The following RBFOX1 variants were observed in gnomAD, a reference collection of about 807,000 sequenced individuals.
The protein encoded by RBFOX1 is RNA binding fox-1 homolog 1, also known as RNA binding protein fox-1 homolog 1.
In RBFOX1, 8 loss-of-function variants were observed where a neutral mutation model predicts 57.7. The observed-to-expected ratio is 0.14, with a 90% CI of 0.08 to 0.25. The LOEUF (loss-of-function observed/expected upper bound fraction) is 0.25. RBFOX1 is among the 10% of genes least tolerant of loss of function. The probability of loss-of-function intolerance (pLI) is 1.00; values close to 1 mark genes in which losing one functional copy is unlikely to be tolerated. For missense variants in RBFOX1, 611 were observed against 548.5 expected (o/e 1.11, Z -1.14); for synonymous variants, 326 against 222.4 (o/e 1.47, Z -4.15).
Position 7,341,228 on chromosome 16 carries a change from A to G in RBFOX1, c.28-176919A>G, listed in dbSNP as rs1006376954. Among the ~76,000 whole-genome samples, 5 of 152,290 alleles carry G rather than the reference A, an allele frequency of 3.3e-5. No homozygotes were observed. The South Asian group carries it at 6.2e-4, about 19-fold the overall frequency. ...TGCTGAGCCCTAAGAGATGCCCAGAAACATTGAACTCAATACTCTGAAGGT... is the reference window on the plus strand; with the variant it reads ...TGCTGAGCCCTAAGAGATGCCCAGAGACATTGAACTCAATACTCTGAAGGT... On this transcript the variant is annotated intron_variant, in intron 4 of 15. Transcript: ENST00000550418.
chr16:7,520,234 T>C (rs1294736578), intron 5 of RBFOX1, among the ~76,000 whole-genome samples: 1 of 152,200 alleles, frequency 6.6e-6, no homozygotes, highest in Non-Finnish European at 1.5e-5. Flanking sequence ...AAATTTTTAG[T>C]TGCCTTCCTC....
At chr16:5,681,226 A>G (rs1298464320) in intron 3 of RBFOX1, among the ~76,000 whole-genome samples, 1 of 146,258 alleles carries the variant, frequency 6.8e-6, no homozygotes, top group Non-Finnish European at 1.5e-5. Flanking sequence ...GGTGCCTGCC[A>G]CCATGCCTGG....
At chr16:6,902,024 C>T (rs2068621614) in intron 3 of RBFOX1, among the ~76,000 whole-genome samples, 3 of 152,026 alleles carry the variant, frequency 2.0e-5, no homozygotes, top group African/African-American at 7.2e-5. Context: ...TCAGAATGTG[C>T]TTAAGGTTGC....
chr16:5,914,679 G>A (rs547273509), intron 4 of RBFOX1, among the ~76,000 whole-genome samples: 6 of 152,098 alleles, frequency 3.9e-5, no homozygotes, highest in Admixed American at 1.3e-4. Flanking sequence ...GGCGGATCAC[G>A]AGGTCAGGAG....
At chr16:7,073,043 C>A (rs1484934305) in intron 4 of RBFOX1, among the ~76,000 whole-genome samples, 1 of 152,122 alleles carries the variant, frequency 6.6e-6, no homozygotes, top group Non-Finnish European at 1.5e-5. Flanking sequence ...AACTGTGACA[C>A]AGAGGCCAGG....
At chr16:5,508,172 G>A (rs531090011) in intron 2 of RBFOX1, among the ~76,000 whole-genome samples, 6 of 152,310 alleles carry the variant, frequency 3.9e-5, no homozygotes, top group South Asian at 4.1e-4. Context: ...GGGTCTGGAC[G>A]TGGTTTAGCT....
intron 2 of RBFOX1, among the ~76,000 whole-genome samples, chr16:6,642,730 T>C (rs1469074619): frequency 6.6e-6 from 1 of 152,108 alleles, no homozygotes. Context: ...TGGTTGGGGA[T>C]CGTTTTGTAG....
chr16:6,251,471 T>A (rs1223787406), intron 1 of RBFOX1, among the ~76,000 whole-genome samples: 6 of 152,150 alleles, frequency 3.9e-5, no homozygotes, highest in African/African-American at 1.4e-4. Flanking sequence ...TTTCTTTTCA[T>A]TGCAGCAGCC....
intron 2 of RBFOX1, among the ~76,000 whole-genome samples, chr16:6,582,992 C>G (rs2097558414): frequency 6.6e-6 from 1 of 150,926 alleles, no homozygotes. Context: ...CCCTCTTCCT[C>G]ACTCTTCTCT....
intron 2 of RBFOX1, among the ~76,000 whole-genome samples, chr16:6,563,258 T>G (rs2097208727): frequency 6.6e-6 from 1 of 152,286 alleles, no homozygotes; most frequent in Non-Finnish European, 1.5e-5. Flanking sequence ...CGCATGAGAT[T>G]TAGAAGCATT....
intron 3 of RBFOX1, among the ~76,000 whole-genome samples, chr16:6,855,717 A>G (rs1336253413): frequency 6.6e-6 from 1 of 151,536 alleles, no homozygotes; most frequent in Non-Finnish European, 1.5e-5. Context: ...CCTTGATTGC[A>G]CTTCCTAGAT....
intron 4 of RBFOX1, among the ~76,000 whole-genome samples, chr16:7,477,766 C>G (rs555669388): frequency 9.9e-5 from 15 of 152,270 alleles, no homozygotes; most frequent in African/African-American, 3.4e-4. Flanking sequence ...TGACCTTTCC[C>G]TTCTCTTCCC....
chr16:6,452,656 G>A (rs2094660276), intron 2 of RBFOX1, among the ~76,000 whole-genome samples: 1 of 152,162 alleles, frequency 6.6e-6, no homozygotes, highest in Admixed American at 6.5e-5. Context: ...AAGACAATAG[G>A]GATTGATGGG....
At chr16:7,370,705 T>C (rs2097549739) in intron 4 of RBFOX1, among the ~76,000 whole-genome samples, 1 of 152,244 alleles carries the variant, frequency 6.6e-6, no homozygotes. Flanking sequence ...GAAAGGGACT[T>C]GTGAACTAGT....
chr16:6,104,374 T>C (rs2152562817), intron 1 of RBFOX1, among the ~76,000 whole-genome samples: 1 of 152,344 alleles, frequency 6.6e-6, no homozygotes, highest in East Asian at 1.9e-4. Context: ...AAGAGTCAAG[T>C]GACACTATCT....
At chr16:7,025,676 G>C (rs1252505199) in intron 3 of RBFOX1, among the ~76,000 whole-genome samples, 1 of 152,146 alleles carries the variant, frequency 6.6e-6, no homozygotes, top group Non-Finnish European at 1.5e-5. Context: ...GGGTGCTGGA[G>C]AAGGCCTGGC....
intron 1 of RBFOX1, among the ~76,000 whole-genome samples, chr16:5,435,236 A>C (rs1172935200): frequency 6.6e-6 from 1 of 152,152 alleles, no homozygotes; most frequent in South Asian, 2.1e-4. Flanking sequence ...ATATGCGTCT[A>C]TGAAGAAAAG....
intron 3 of RBFOX1, among the ~76,000 whole-genome samples, chr16:6,738,479 A>C (rs902106981): frequency 6.6e-6 from 1 of 152,168 alleles, no homozygotes; most frequent in African/African-American, 2.4e-5. Flanking sequence ...AGAGCTGTAA[A>C]ATCTGTGAAG....
At chr16:6,879,309 A>G (rs1021532600) in intron 3 of RBFOX1, among the ~76,000 whole-genome samples, 9 of 152,098 alleles carry the variant, frequency 5.9e-5, no homozygotes, top group African/African-American at 2.2e-4. Context: ...TATGCCATAA[A>G]TTTTCTTTGC....
Sources: allele counts gnomAD v4.1 joint callset (sites outside exome capture counted in the v4.1 genomes callset), GRCh38; gene constraint gnomAD v4.1.1; transcripts MANE v1.5; gene names NCBI Gene and HGNC (gene_info 2026-07-23, HGNC 2026-07-21).